The following SMYD3 variants were observed in gnomAD, a reference collection of about 807,000 sequenced individuals.
The protein encoded by SMYD3 is histone-lysine N-methyltransferase SMYD3.
In SMYD3, 36 loss-of-function variants were observed where a neutral mutation model predicts 57.7. The observed-to-expected ratio is 0.62, with a 90% CI of 0.48 to 0.82. The LOEUF (loss-of-function observed/expected upper bound fraction) is 0.82, where lower values mean the gene tolerates loss of function less well. Ranked by LOEUF, SMYD3 falls within the 40% of genes least tolerant of loss-of-function variation. The pLI, the probability that SMYD3 is intolerant of heterozygous loss-of-function variation, is 0.00. For synonymous variants in SMYD3, 211 were observed against 195.0 expected, an observed-to-expected ratio of 1.08 and a Z score of -0.68; for missense variants, 515 against 538.8, an observed-to-expected ratio of 0.96 and a Z score of 0.44.
chr1:246,304,616 T>A (rs2064949027), intron 5 of SMYD3, among the ~76,000 whole-genome samples: 1 of 152,172 alleles, frequency 6.6e-6, no homozygotes, highest in African/African-American at 2.4e-5. Flanking sequence ...AAAATCCACT[T>A]ACTAGCACTG....
rs12732435 is a variant in SMYD3, at chr1:246,267,588, G to A, written c.531+59613C>T. Among the ~76,000 whole-genome samples the A allele has an allele frequency of 3.7e-3, 562 of 152,264 alleles. 6 individuals carry two copies. Among genetic ancestry groups the A allele is most frequent in the Non-Finnish European group, 2.5e-3 (171 of 68,016 alleles). On this transcript the variant is annotated intron_variant, in intron 5 of 11. Coordinates refer to ENST00000490107, the MANE Select transcript of SMYD3 (RefSeq NM_001167740.2). Reference sequence around the variant, plus strand: ...AAGAATTCACCGTTTACATGTGAAAGCCTTTGCTTAGAATTCCTCCTCCTC... The same window carrying A: ...AAGAATTCACCGTTTACATGTGAAAACCTTTGCTTAGAATTCCTCCTCCTC...
chr1:246,034,987 G>A (rs2059745656), intron 5 of SMYD3, among the ~76,000 whole-genome samples: 1 of 152,068 alleles, frequency 6.6e-6, no homozygotes, highest in African/African-American at 2.4e-5. Context: ...ACAGTATGAA[G>A]CGTCATAGTG....
intron 1 of SMYD3, among the ~76,000 whole-genome samples, chr1:246,423,671 T>TA (rs552057854): frequency 6.0e-5 from 9 of 149,758 alleles, no homozygotes; most frequent in South Asian, 4.3e-4. Flanking sequence ...CTCAAAAAAA[T>TA]AAAAAAAAAG....
chr1:246,263,823 C>T (rs10924654), intron 5 of SMYD3, among the ~76,000 whole-genome samples: 31,555 of 152,066 alleles, frequency 0.21, 3,983 homozygotes, highest in East Asian at 0.57. Flanking sequence ...GAAGAAATTA[C>T]GTTAACCACT....
At position 246,067,611 on chromosome 1, in the gene SMYD3, C is replaced by T. The variant is rs985646829; in HGVS notation, c.532-137674G>A. Among the ~76,000 whole-genome samples the T allele has an allele frequency of 2.0e-5, 3 of 152,110 alleles. No individual in the cohort carries two copies. In the South Asian group the frequency reaches 6.2e-4, roughly 32 times the overall value. ...GCGCCCACACACACTAATGCCCCCCCACAGCCCACAGCCTTGGGGCGCTCC... is the reference window on the plus strand; with the variant it reads ...GCGCCCACACACACTAATGCCCCCCTACAGCCCACAGCCTTGGGGCGCTCC... On this transcript the variant is annotated intron_variant, in intron 5 of 11. Coordinates refer to ENST00000490107, the MANE Select transcript of SMYD3 (RefSeq NM_001167740.2).
intron 5 of SMYD3, among the ~76,000 whole-genome samples, chr1:246,229,112 T>TTG (rs1252337062): frequency 6.6e-5 from 10 of 152,174 alleles, no homozygotes; most frequent in African/African-American, 2.4e-4. Flanking sequence ...AAATGTTCAA[T>TTG]TAGTTCTTCA....
At chr1:246,218,717 G>C (rs1263506562) in intron 5 of SMYD3, among the ~76,000 whole-genome samples, 4 of 151,618 alleles carry the variant, frequency 2.6e-5, no homozygotes, top group African/African-American at 4.8e-5. Context: ...TTATATTTAA[G>C]GTATTTTGTG....
At chr1:246,427,295 C>T (rs181619530) in intron 1 of SMYD3, among the ~76,000 whole-genome samples, 14 of 151,208 alleles carry the variant, frequency 9.3e-5, no homozygotes, top group South Asian at 4.2e-4. Context: ...CCGAGGCGGG[C>T]GGATCACGAG....
At chr1:246,083,477 G>T (rs180801462) in intron 5 of SMYD3, among the ~76,000 whole-genome samples, 1 of 94,176 alleles carries the variant, frequency 1.1e-5, no homozygotes, top group East Asian at 2.5e-4. Flanking sequence ...GATAATGATC[G>T]ATAAATACTG....
At chr1:246,224,376 G>C (rs1376346876) in intron 5 of SMYD3, among the ~76,000 whole-genome samples, 1 of 152,016 alleles carries the variant, frequency 6.6e-6, no homozygotes, top group Non-Finnish European at 1.5e-5. Flanking sequence ...GAACTTGGTA[G>C]GTTAAAGGGA....
intron 5 of SMYD3, among the ~76,000 whole-genome samples, chr1:246,255,795 G>A (rs1211376114): frequency 6.8e-6 from 1 of 147,766 alleles, no homozygotes; most frequent in Non-Finnish European, 1.5e-5. Context: ...TTTTCTAGTT[G>A]GTAGGTTTTA....
At chr1:245,906,283 A>C (rs1043740266) in intron 8 of SMYD3, among the ~76,000 whole-genome samples, 2 of 152,218 alleles carry the variant, frequency 1.3e-5, no homozygotes, top group African/African-American at 4.8e-5. Context: ...CAAAGAGCTC[A>C]AACAAATCTA....
At chr1:246,034,414 A>C (rs977627537) in intron 5 of SMYD3, 1 of 152,236 alleles carries the variant, frequency 6.6e-6, no homozygotes, top group African/African-American at 2.4e-5. Flanking sequence ...ATTATGATCC[A>C]GTTGGTTAAG....
intron 5 of SMYD3, among the ~76,000 whole-genome samples, chr1:246,311,646 T>A (rs899106309): frequency 6.6e-6 from 1 of 152,184 alleles, no homozygotes; most frequent in African/African-American, 2.4e-5. Context: ...GTGACACGCA[T>A]ACACACACGC....
chr1:246,104,977 A>G (rs955568044), intron 5 of SMYD3, among the ~76,000 whole-genome samples: 3 of 152,204 alleles, frequency 2.0e-5, no homozygotes, highest in Non-Finnish European at 4.4e-5. Flanking sequence ...GGCTGAATCC[A>G]AACACAGCAT....
chr1:246,248,631 C>CTTGTTTTTTTTTTTTTTTTTTTTTTTTT (rs1309872022), intron 5 of SMYD3, among the ~76,000 whole-genome samples: 2 of 119,268 alleles, frequency 1.7e-5, no homozygotes, highest in African/African-American at 3.4e-5. Context: ...AGCTCTCTGA[C>CTTGTTTTTTTTTTTTTTTTTTTTTTTTT]TTTCCTTTTT....
At chr1:246,172,671 T>C (rs1408898999) in intron 5 of SMYD3, among the ~76,000 whole-genome samples, 4 of 143,280 alleles carry the variant, frequency 2.8e-5, no homozygotes, top group African/African-American at 5.3e-5. Context: ...TTATCAACAC[T>C]ACACACTTAG....
chr1:246,064,252 T>C (rs1357355679), intron 5 of SMYD3, among the ~76,000 whole-genome samples: 4 of 152,182 alleles, frequency 2.6e-5, no homozygotes, highest in African/African-American at 9.7e-5. Flanking sequence ...CCCACTGCCC[T>C]CAACCTCCCG....
intron 5 of SMYD3, among the ~76,000 whole-genome samples, chr1:246,234,207 A>G (rs1186137933): frequency 6.7e-6 from 1 of 150,096 alleles, no homozygotes; most frequent in African/African-American, 2.5e-5. Context: ...TACCACACAG[A>G]GGAGAAGCGC....
Sources: gnomAD v4.1 joint callset for allele counts (sites outside exome capture counted in the v4.1 genomes callset) on GRCh38, gnomAD v4.1.1 for gene constraint, MANE v1.5 for transcripts, NCBI Gene and HGNC (gene_info 2026-07-23, HGNC 2026-07-21) for gene names.